The following HMGXB3 variants were observed in gnomAD, a reference collection of about 807,000 sequenced individuals.
The protein encoded by HMGXB3 is HMG domain-containing protein 3.
A neutral mutation model predicts 121.5 loss-of-function variants in HMGXB3; 45 were observed. The ratio of observed to expected loss-of-function variants is 0.37; its 90% CI spans 0.29 to 0.47. HMGXB3 has a LOEUF of 0.47. HMGXB3 is among the 20% of genes least tolerant of loss of function. HMGXB3 has a pLI of 0.99. For missense variants in HMGXB3, 1,376 were observed against 1,602.2 expected (o/e 0.86, Z 2.41); for synonymous variants, 590 against 624.1 (o/e 0.95, Z 0.81).
In HMGXB3 at chr5:150,050,390, T is replaced by C; in HGVS notation, c.3340T>C (p.Tyr1114His). ...AGTGGCCCTGTGTGCTGACCTCTGC[T>C]ACCCAGAGCTGACTAACCAGATGTG... ...TSVALCADLCYPELTNQMWGR... is the reference protein window; with the variant it reads ...TSVALCADLCHPELTNQMWGR... The change falls in exon 19 of 20, where the codon TAC (tyrosine) becomes CAC (histidine). Residue 1114 changes from tyrosine (Y) to histidine (H), a missense_variant. Tyr to His is a moderately conservative substitution (Grantham distance 83, BLOSUM62 2). Transcript: ENST00000502717. 1 of 1,551,744 alleles carries C rather than the reference T, an allele frequency of 6.4e-7. No homozygotes were observed. Among genetic ancestry groups the C allele is most frequent in the Non-Finnish European group, 8.7e-7 (1 of 1,146,988 alleles).
chr5:150,015,988 A>G (rs1453602186), intron 5 of HMGXB3, among the ~76,000 whole-genome samples: 1 of 152,220 alleles, frequency 6.6e-6, no homozygotes, highest in African/African-American at 2.4e-5. Context: ...GGTCAAGTTG[A>G]TTGATAACGT....
Position 150,010,579 on chromosome 5 carries a change from G to T in HMGXB3, c.781G>T (p.Glu261Ter). 1 of 1,551,310 alleles carries T rather than the reference G, an allele frequency of 6.4e-7. No homozygotes were observed. Among genetic ancestry groups the T allele is most frequent in the Non-Finnish European group, 8.7e-7 (1 of 1,146,986 alleles). The change falls in exon 4 of 20, where the codon GAG (glutamate) becomes TAG (stop). Residue 261 changes from glutamate to a stop codon, truncating the protein, a stop_gained. Coordinates refer to ENST00000502717, the MANE Select transcript of HMGXB3 (RefSeq NM_014983.3). LOFTEE classifies it high-confidence loss of function. Reference sequence around the variant, plus strand: ...GGCTGTGCCCCACCCCCAGGTTGGGGAGAGTGTATCAGTGGTAACAGTCAT... The same window carrying T: ...GGCTGTGCCCCACCCCCAGGTTGGGTAGAGTGTATCAGTGGTAACAGTCAT... ...SLAVPHPQVG[E>*]SVSVVTVMRD...
intron 14 of HMGXB3, among the ~76,000 whole-genome samples, chr5:150,041,531 C>T (rs1050273205): frequency 1.3e-5 from 2 of 152,220 alleles, no homozygotes; most frequent in Non-Finnish European, 2.9e-5. Context: ...AATGACATAA[C>T]ATATCCAAAG....
At position 150,010,543 on chromosome 5, in the gene HMGXB3, A is replaced by G. The variant is rs1755804954; in HGVS notation, c.745A>G (p.Thr249Ala). The G allele has an allele frequency of 1.5e-5, 23 of 1,551,364 alleles. No homozygotes were observed. Among genetic ancestry groups the G allele is most frequent in the Non-Finnish European group, 1.9e-5 (22 of 1,146,972 alleles). ...TLVNGSPDLP[T>A]GSLAVPHPQV... ...GGTGAATGGCTCACCAGACCTCCCCACTGGAAGCCTGGCTGTGCCCCACCC... is the reference window on the plus strand; with the variant it reads ...GGTGAATGGCTCACCAGACCTCCCCGCTGGAAGCCTGGCTGTGCCCCACCC... The change falls in exon 4 of 20, where the codon ACT becomes GCT. Residue 249 changes from threonine (T) to alanine (A), a missense_variant. Thr to Ala is a moderately conservative substitution (Grantham distance 58). This residue lies in a region of HMGXB3 where 1,116 missense variants were observed against 1,369.0 expected (regional missense o/e 0.82). Transcript: ENST00000502717.
chr5:150,041,880 G>T lies in HMGXB3; in HGVS notation c.2641G>T (p.Asp881Tyr). 2 of 1,551,748 alleles carry T rather than the reference G, an allele frequency of 1.3e-6. No individual in the cohort carries two copies. Among genetic ancestry groups the T allele is most frequent in the South Asian group, 1.2e-5 (1 of 84,046 alleles). The change falls in exon 15 of 20, where the codon GAC (aspartate) becomes TAC (tyrosine). Residue 881 changes from aspartate (D) to tyrosine (Y), a missense_variant. Transcript: ENST00000502717. ...GTGCCTCACTGTCCGAGACTACAATGACATGATCTGTGGCATCTGTGGTGT... is the reference window on the plus strand; with the variant it reads ...GTGCCTCACTGTCCGAGACTACAATTACATGATCTGTGGCATCTGTGGTGT... ...FECLTVRDYNDMICGICGVAP... is the reference protein window; with the variant it reads ...FECLTVRDYNYMICGICGVAP...
chr5:150,020,745 GCTTTTTT>G (rs1312778515), intron 6 of HMGXB3, among the ~76,000 whole-genome samples: 19 of 119,246 alleles, frequency 1.6e-4, no homozygotes, highest in African/African-American at 8.7e-4. Flanking sequence ...AACTGAAACA[GCTTTTTT>G]TTTTTTTTTT....
In HMGXB3 at chr5:150,005,001, C is replaced by T. The variant is rs1462788217; in HGVS notation, c.137+12C>T. 31 of 1,542,902 alleles carry T rather than the reference C, an allele frequency of 2.0e-5. No individual in the cohort carries two copies. The highest frequency in any genetic ancestry group is 2.5e-5 in the Non-Finnish European group (29 of 1,144,840). ...ACAAAGAAACCCAGGTTAGCCAACACATTTTGGTTGCTGCTAGCATTTATA... is the reference window on the plus strand; with the variant it reads ...ACAAAGAAACCCAGGTTAGCCAACATATTTTGGTTGCTGCTAGCATTTATA... On this transcript the variant is annotated intron_variant, in intron 2 of 19. Transcript: ENST00000502717.
intron 14 of HMGXB3, 23 bp from the exon 15 acceptor site, chr5:150,041,762 C>T (rs1308441599): frequency 1.3e-6 from 2 of 1,543,726 alleles, no homozygotes; most frequent in African/African-American, 1.4e-5. Context: ...GTGCCCTTCT[C>T]AGTGTTCTTG....
chr5:150,012,461 A>G (rs1226943346), intron 5 of HMGXB3, 108 bp downstream of exon 5: 2 of 759,116 alleles, frequency 2.6e-6, no homozygotes, highest in Non-Finnish European at 4.5e-6. Flanking sequence ...TAGGACCAAG[A>G]AGATTTCTAA....
chr5:150,017,781 T>C (rs1313746102), intron 5 of HMGXB3, among the ~76,000 whole-genome samples: 1 of 152,172 alleles, frequency 6.6e-6, no homozygotes, highest in African/African-American at 2.4e-5. Flanking sequence ...GACAGAGAAA[T>C]GGGTTTTTTT....
chr5:150,018,225 G>A (rs975981038), intron 5 of HMGXB3, among the ~76,000 whole-genome samples: 4 of 152,190 alleles, frequency 2.6e-5, no homozygotes, highest in Admixed American at 6.5e-5. Context: ...GTAATAATAC[G>A]TACTTAATAC....
In HMGXB3 at chr5:150,036,729, C is replaced by T. The variant is rs1271468786; in HGVS notation, c.2077C>T (p.Leu693=). The change falls in exon 12 of 20, where the codon CTG becomes TTG. Residue 693 remains leucine (L), a synonymous_variant. Coordinates refer to ENST00000502717, the MANE Select transcript of HMGXB3 (RefSeq NM_014983.3). ...CCAGCGCCAGTCCACACTGCAGCTG[C>T]TGCGCAAAGTCCTGCAGATTCCTGA... ...EIQRQSTLQL[L]RKVLQIPENE... is the part of the protein sequence containing the mutation. 1 of 1,551,626 alleles carries T rather than the reference C, an allele frequency of 6.4e-7. No individual in the cohort carries two copies. The highest frequency in any genetic ancestry group is 1.2e-5 in the South Asian group (1 of 84,054).
chr5:150,028,404 G>A (rs1221735035), intron 9 of HMGXB3, among the ~76,000 whole-genome samples: 3 of 142,004 alleles, frequency 2.1e-5, no homozygotes, highest in African/African-American at 7.8e-5. Flanking sequence ...TCACAGACCC[G>A]ATTTTATATA....
intron 10 of HMGXB3, among the ~76,000 whole-genome samples, chr5:150,031,734 C>T (rs1470049633): frequency 6.6e-6 from 1 of 152,164 alleles, no homozygotes; most frequent in Admixed American, 6.5e-5. Flanking sequence ...GTCATTCATT[C>T]CTTCAAAAAA....
chr5:150,014,232 C>A (rs1406687638), intron 5 of HMGXB3, among the ~76,000 whole-genome samples: 3 of 152,224 alleles, frequency 2.0e-5, no homozygotes, highest in Non-Finnish European at 2.9e-5. Context: ...TATTAACACC[C>A]ATGGGATTTG....
At chr5:150,017,584 G>A (rs760329620) in intron 5 of HMGXB3, among the ~76,000 whole-genome samples, 15 of 152,102 alleles carry the variant, frequency 9.9e-5, no homozygotes, top group Non-Finnish European at 1.9e-4. Flanking sequence ...ACCACTTCAC[G>A]CTCATCCTTG....
rs748832670 is a variant in HMGXB3, at chr5:150,049,489, G to GA, written c.3202-762dup. Among the ~76,000 whole-genome samples, 5 of 152,292 alleles carry GA rather than the reference G, an allele frequency of 3.3e-5. No homozygotes were observed. In the East Asian group the frequency reaches 9.6e-4, roughly 29 times the overall value. On this transcript the variant is annotated intron_variant, in intron 18 of 19. Coordinates refer to ENST00000502717, the MANE Select transcript of HMGXB3 (RefSeq NM_014983.3). ...ACTGAAGCACATGAGTCAGCAGGGG[G>GA]ATCTAGCTGTAAAAAGAGAATCCAG...
chr5:150,040,633 C>T, intron 13 of HMGXB3, 115 bp from the exon 14 acceptor site: 1 of 1,033,320 alleles, frequency 9.7e-7, no homozygotes, highest in East Asian at 2.8e-5. Flanking sequence ...CTGCCTCATC[C>T]TCCCAAGTGC....
intron 16 of HMGXB3, among the ~76,000 whole-genome samples, chr5:150,047,198 G>A (rs1291689017): frequency 6.6e-6 from 1 of 152,160 alleles, no homozygotes; most frequent in Non-Finnish European, 1.5e-5. Context: ...CCGGCCCCCA[G>A]GGATTATTTT....
Sources: gnomAD v4.1 joint callset for allele counts (sites outside exome capture counted in the v4.1 genomes callset) on GRCh38, gnomAD v4.1.1 for gene constraint, gnomAD v4.1.1 regional missense constraint, MANE v1.5 for transcripts, NCBI Gene and HGNC (gene_info 2026-07-23, HGNC 2026-07-21) for gene names.